PLA2G5: variants seen among roughly 807,000 people sequenced by gnomAD.
The protein encoded by PLA2G5 is Ca2+-dependent phospholipase A2.
PLA2G5 carries 12 observed loss-of-function variants against 15.9 expected under a neutral mutation model. That is an observed-to-expected ratio of 0.76 (90% CI 0.48 to 1.23). The LOEUF (loss-of-function observed/expected upper bound fraction) is 1.23, where lower values mean the gene tolerates loss of function less well. Among genes scored for constraint, PLA2G5 ranks in the 50% most tolerant of loss-of-function variants. The pLI is 0.00. For synonymous variants in PLA2G5, 71 were observed against 71.4 expected, an observed-to-expected ratio of 0.99 and a Z score of 0.03; for missense variants, 169 against 177.1, an observed-to-expected ratio of 0.95 and a Z score of 0.26.
intron 1 of PLA2G5, among the ~76,000 whole-genome samples, chr1:20,083,029 A>G (rs922180074): frequency 6.6e-6 from 1 of 152,000 alleles, no homozygotes; most frequent in South Asian, 2.1e-4. Flanking sequence ...TTAGAGAGAT[A>G]GAGGATAGTG....
chr1:20,042,888 G>C (rs967589762), intron 1 of PLA2G5, among the ~76,000 whole-genome samples: 15 of 151,840 alleles, frequency 9.9e-5, no homozygotes, highest in African/African-American at 3.4e-4. Context: ...TTTGAGAATA[G>C]ATGTTGGAGG....
intron 2 of PLA2G5, among the ~76,000 whole-genome samples, chr1:20,060,963 T>C (rs543312270): frequency 7.2e-5 from 11 of 152,288 alleles, no homozygotes; most frequent in African/African-American, 1.4e-4. Context: ...GTGATCCACC[T>C]GCCTTGGCCT....
chr1:20,078,569 G>A (rs1259462688), intron 1 of PLA2G5, among the ~76,000 whole-genome samples: 2 of 152,170 alleles, frequency 1.3e-5, no homozygotes, highest in African/African-American at 4.8e-5. Flanking sequence ...CACAAGGGCA[G>A]CTCTGTGAAG....
intron 2 of PLA2G5, among the ~76,000 whole-genome samples, chr1:20,061,068 G>A (rs1458797923): frequency 6.6e-6 from 1 of 152,160 alleles, no homozygotes; most frequent in Admixed American, 6.5e-5. Flanking sequence ...GCCCTTCATG[G>A]ACCAGGCAGC....
intron 2 of PLA2G5, among the ~76,000 whole-genome samples, chr1:20,061,702 G>A (rs2014744757): frequency 6.6e-6 from 1 of 151,838 alleles, no homozygotes; most frequent in African/African-American, 2.4e-5. Flanking sequence ...TTACTCCAAA[G>A]GCCTTCCCCT....
chr1:20,079,018 G>A (rs1320409250), intron 1 of PLA2G5, among the ~76,000 whole-genome samples: 3 of 151,704 alleles, frequency 2.0e-5, no homozygotes, highest in Non-Finnish European at 4.4e-5. Context: ...GCAGAGGCAG[G>A]AGGGAAGATG....
intron 1 of PLA2G5, among the ~76,000 whole-genome samples, chr1:20,042,283 A>G (rs1159591128): frequency 6.6e-6 from 1 of 152,184 alleles, no homozygotes; most frequent in Non-Finnish European, 1.5e-5. Flanking sequence ...AACTGCCATT[A>G]GTAAACCAAG....
At chr1:20,035,282 G>A (rs1019474739) in intron 1 of PLA2G5, among the ~76,000 whole-genome samples, 12 of 152,148 alleles carry the variant, frequency 7.9e-5, no homozygotes, top group African/African-American at 2.9e-4. Flanking sequence ...GATAGGCCTG[G>A]GTGGGAGGGG....
chr1:20,073,887 G>A (rs1028517571), intron 1 of PLA2G5, among the ~76,000 whole-genome samples: 20 of 151,994 alleles, frequency 1.3e-4, no homozygotes, highest in African/African-American at 4.6e-4. Context: ...AAGAAGATAT[G>A]CATTAGGCCC....
At chr1:20,064,351 A>T (rs1044551997) in intron 2 of PLA2G5, among the ~76,000 whole-genome samples, 1 of 152,184 alleles carries the variant, frequency 6.6e-6, no homozygotes, top group Non-Finnish European at 1.5e-5. Context: ...AGGCAGGCAG[A>T]TGATTTGAGG....
chr1:20,060,242 T>C (rs2014641556), intron 2 of PLA2G5, among the ~76,000 whole-genome samples: 1 of 143,146 alleles, frequency 7.0e-6, no homozygotes, highest in African/African-American at 2.6e-5. Flanking sequence ...ACTTTCTTTT[T>C]TCTTCTTTTT....
At chr1:20,072,968 A>C (rs1374920766) in intron 1 of PLA2G5, among the ~76,000 whole-genome samples, 1 of 152,192 alleles carries the variant, frequency 6.6e-6, no homozygotes, top group East Asian at 1.9e-4. Flanking sequence ...CTCTGCCCAC[A>C]AAATTGCTCA....
Position 20,091,465 on chromosome 1 carries a change from C to T in PLA2G5, c.*773C>T, listed in dbSNP as rs1229151913. Among the ~76,000 whole-genome samples, 2 of 152,192 alleles carry T rather than the reference C, an allele frequency of 1.3e-5. No individual in the cohort carries two copies. Among genetic ancestry groups the T allele is most frequent in the African/African-American group, 2.4e-5 (1 of 41,446 alleles). ...GGCATTCAAATCCCAGTGCTGGCTT[C>T]TTCAGCTGTGTGGTCTTGGACCCGT... On this transcript the variant is annotated 3_prime_UTR_variant, in exon 5 of 5. Transcript: ENST00000375108.
intron 1 of PLA2G5, among the ~76,000 whole-genome samples, chr1:20,073,023 G>A (rs182080727): frequency 1.3e-3 from 204 of 152,276 alleles, no homozygotes; most frequent in Admixed American, 4.3e-3. Context: ...AGGTGGAGCG[G>A]CCTTGAATTG....
chr1:20,089,949 C>A, intron 4 of PLA2G5, 54 bp downstream of exon 4: 4 of 1,304,662 alleles, frequency 3.1e-6, no homozygotes, highest in Non-Finnish European at 4.3e-6. Flanking sequence ...ACTTTAAGTT[C>A]AGCTGCCCTA....
At chr1:20,068,901 A>G (rs1461748713), upstream of PLA2G5, 1 of 1,282,180 alleles carries the variant, frequency 7.8e-7, no homozygotes, top group Non-Finnish European at 1.0e-6. Flanking sequence ...GAGGGAACAC[A>G]CTCCCCCCTA....
At chr1:20,080,130 C>G (rs2015927277) in intron 1 of PLA2G5, among the ~76,000 whole-genome samples, 1 of 152,054 alleles carries the variant, frequency 6.6e-6, no homozygotes, top group Non-Finnish European at 1.5e-5. Context: ...GAGCCCACGG[C>G]TGGGGGACTT....
intron 1 of PLA2G5, among the ~76,000 whole-genome samples, chr1:20,045,743 C>T (rs2013868656): frequency 6.6e-6 from 1 of 152,208 alleles, no homozygotes; most frequent in East Asian, 1.9e-4. Context: ...GGGGATTGAT[C>T]TCCCAGTGGA....
intron 1 of PLA2G5, among the ~76,000 whole-genome samples, chr1:20,034,281 C>A (rs765884189): frequency 6.6e-6 from 1 of 152,038 alleles, no homozygotes; most frequent in Non-Finnish European, 1.5e-5. Flanking sequence ...TGTGGAAGTC[C>A]ATATTAGTTG....
Sources: allele counts gnomAD v4.1 joint callset (sites outside exome capture counted in the v4.1 genomes callset), GRCh38; gene constraint gnomAD v4.1.1; transcripts MANE v1.5; gene names NCBI Gene and HGNC (gene_info 2026-07-23, HGNC 2026-07-21).